BBS9: variants seen among roughly 807,000 people sequenced by gnomAD.
The protein encoded by BBS9 is protein PTHB1.
A neutral mutation model predicts 117.7 loss-of-function variants in BBS9; 89 were observed. The ratio of observed to expected loss-of-function variants is 0.76; its 90% confidence interval spans 0.64 to 0.90. The LOEUF is 0.90. Among genes scored for constraint, BBS9 ranks in the 40% least tolerant of loss-of-function variants. BBS9 has a pLI of 0.00. For missense variants in BBS9, 982 were observed against 1,042.2 expected (o/e 0.94, Z 0.80); for synonymous variants, 379 against 370.9 (o/e 1.02, Z -0.25).
chr7:33,235,247 A>C (rs1447868760), intron 5 of BBS9, among the ~76,000 whole-genome samples: 2 of 151,898 alleles, frequency 1.3e-5, no homozygotes, highest in Non-Finnish European at 2.9e-5. Flanking sequence ...TTCTTTTTTT[A>C]TGACAGGATT....
At chr7:33,330,214 C>T (rs1236011621) in intron 9 of BBS9, among the ~76,000 whole-genome samples, 1 of 151,954 alleles carries the variant, frequency 6.6e-6, no homozygotes, top group Non-Finnish European at 1.5e-5. Flanking sequence ...GGGGTTTTAC[C>T]GTGTTGCCCA....
At chr7:33,424,094 C>T (rs982576893) in intron 19 of BBS9, among the ~76,000 whole-genome samples, 3 of 152,084 alleles carry the variant, frequency 2.0e-5, no homozygotes, top group Non-Finnish European at 2.9e-5. Context: ...TTCTCATCAC[C>T]TTGTAGCTGG....
chr7:33,232,064 T>C lies in BBS9; in HGVS notation c.443-25172T>C, dbSNP rs756946236. On this transcript the variant is annotated intron_variant, in intron 5 of 22. Coordinates refer to ENST00000242067, the MANE Select transcript of BBS9 (RefSeq NM_198428.3). ...AAGTATAACTTATACTCCTCTTTTC[T>C]TCTCTTGTTACAACTGTTAGATCTG... is the stretch of plus-strand genomic sequence containing the variant. 1.3e-3 allele frequency among the ~76,000 whole-genome samples: 202 copies of C among 152,162 alleles called. 2 individuals are homozygous for C. Among genetic ancestry groups the C allele is most frequent in the Admixed American group, 2.4e-3 (37 of 15,262 alleles).
At chr7:33,378,596 T>TA (rs1053408517) in intron 17 of BBS9, among the ~76,000 whole-genome samples, 3 of 152,232 alleles carry the variant, frequency 2.0e-5, no homozygotes, top group Non-Finnish European at 2.9e-5. Context: ...GAGAAAAGCT[T>TA]AGACTTATTC....
chr7:33,283,887 G>A (rs77140662), intron 9 of BBS9, among the ~76,000 whole-genome samples: 1,636 of 152,186 alleles, frequency 0.011, 27 homozygotes, highest in African/African-American at 0.038. Context: ...CTTTTGCCCT[G>A]GGGGTCCATT....
chr7:33,585,217 T>C (rs1438188821), intron 21 of BBS9, among the ~76,000 whole-genome samples: 1 of 152,122 alleles, frequency 6.6e-6, no homozygotes, highest in South Asian at 2.1e-4. Context: ...TCTCTTTAAG[T>C]TACTTCTGTG....
At chr7:33,623,439 C>A (rs969806494) in intron 21 of BBS9, among the ~76,000 whole-genome samples, 1 of 152,174 alleles carries the variant, frequency 6.6e-6, no homozygotes, top group African/African-American at 2.4e-5. Flanking sequence ...TCTGTTGGCT[C>A]AGCTCAACTG....
intron 19 of BBS9, among the ~76,000 whole-genome samples, chr7:33,415,490 A>T (rs1271217893): frequency 6.6e-6 from 1 of 152,226 alleles, no homozygotes; most frequent in African/African-American, 2.4e-5. Flanking sequence ...ATCAACAAAG[A>T]TAGGGACCAA....
chr7:33,291,826 T>A (rs1341994735), intron 9 of BBS9, among the ~76,000 whole-genome samples: 4 of 152,184 alleles, frequency 2.6e-5, no homozygotes, highest in African/African-American at 9.7e-5. Flanking sequence ...TGTCTTGCAA[T>A]ATGAATTTTA....
chr7:33,162,896 C>T (rs1356453987), intron 4 of BBS9, among the ~76,000 whole-genome samples: 1 of 152,158 alleles, frequency 6.6e-6, no homozygotes, highest in Non-Finnish European at 1.5e-5. Context: ...GAGGGCATCT[C>T]TGTCTTGTGC....
At chr7:33,226,537 G>C (rs1791313978) in intron 5 of BBS9, among the ~76,000 whole-genome samples, 1 of 152,152 alleles carries the variant, frequency 6.6e-6, no homozygotes, top group Non-Finnish European at 1.5e-5. Context: ...ACTCCACTCT[G>C]TGTATATGTC....
At chr7:33,376,479 T>A (rs1002231782) in intron 17 of BBS9, among the ~76,000 whole-genome samples, 7 of 152,224 alleles carry the variant, frequency 4.6e-5, no homozygotes, top group African/African-American at 9.6e-5. Context: ...GTCTTTGCTA[T>A]TGTGAATAGT....
At chr7:33,546,976 C>A (rs987087130) in intron 21 of BBS9, among the ~76,000 whole-genome samples, 1 of 152,162 alleles carries the variant, frequency 6.6e-6, no homozygotes, top group African/African-American at 2.4e-5. Flanking sequence ...GCCGCACATG[C>A]AGACACACAC....
intron 2 of BBS9, among the ~76,000 whole-genome samples, chr7:33,147,114 C>T (rs1792524701): frequency 6.6e-6 from 1 of 152,158 alleles, no homozygotes; most frequent in South Asian, 2.1e-4. Context: ...TCCTTGCTTT[C>T]ATTATCATAT....
chr7:33,612,488 C>T (rs1864931822), intron 21 of BBS9, among the ~76,000 whole-genome samples: 1 of 151,944 alleles, frequency 6.6e-6, no homozygotes, highest in African/African-American at 2.4e-5. Flanking sequence ...CCTCCCTTTC[C>T]ATTTCAGTAA....
chr7:33,229,955 C>T lies in BBS9; in HGVS notation c.443-27281C>T, dbSNP rs144265617. Among the ~76,000 whole-genome samples the T allele has an allele frequency of 2.5e-4, 38 of 152,190 alleles. 1 individual carries two copies. The highest frequency in any genetic ancestry group is 8.7e-4 in the African/African-American group (36 of 41,536). On this transcript the variant is annotated intron_variant, in intron 5 of 22. Transcript: ENST00000242067. ...TGCCTTTTTGATAATAGCCATCTAA[C>T]GGGTGTGAGGAACTATCTCATAGTG...
At chr7:33,504,800 A>G (rs745359798) in intron 19 of BBS9, among the ~76,000 whole-genome samples, 13 of 151,890 alleles carry the variant, frequency 8.6e-5, no homozygotes, top group Non-Finnish European at 1.5e-4. Context: ...CACTCCTGCC[A>G]ATTTTATCCT....
chr7:33,555,077 C>G (rs1396266931), intron 21 of BBS9, among the ~76,000 whole-genome samples: 1 of 152,160 alleles, frequency 6.6e-6, no homozygotes, highest in Non-Finnish European at 1.5e-5. Context: ...CTTCTCTTTC[C>G]TATAAAGTTT....
At chr7:33,185,639 T>A (rs1204033613) in intron 5 of BBS9, among the ~76,000 whole-genome samples, 1 of 152,184 alleles carries the variant, frequency 6.6e-6, no homozygotes, top group African/African-American at 2.4e-5. Context: ...AGTGGGTGAT[T>A]CTTTTAATTG....
Sources: allele counts gnomAD v4.1 joint callset (sites outside exome capture counted in the v4.1 genomes callset), GRCh38; gene constraint gnomAD v4.1.1; transcripts MANE v1.5; gene names NCBI Gene and HGNC (gene_info 2026-07-23, HGNC 2026-07-21).